The following CABIN1 variants were observed in gnomAD, a reference collection of about 807,000 sequenced individuals.
CABIN1 encodes the protein calcineurin-binding protein cabin-1.
CABIN1 carries 133 observed loss-of-function variants against 227.7 expected under a neutral mutation model. That is an observed-to-expected ratio of 0.58 (90% CI 0.51 to 0.67). The LOEUF is 0.67. Ranked by LOEUF, CABIN1 falls within the 30% of genes least tolerant of loss-of-function variation. The pLI is 0.00. For synonymous variants in CABIN1, 1,086 were observed against 1,155.1 expected (o/e 0.94, Z 1.21); for missense variants, 2,408 against 2,852.5 (o/e 0.84, Z 3.55).
Position 24,166,971 on chromosome 22 carries a change from G to A in CABIN1, c.5340G>A (p.Leu1780=). 1 of 1,585,514 alleles carries A rather than the reference G, an allele frequency of 6.3e-7. No homozygotes were observed. The highest frequency in any genetic ancestry group is 8.6e-7 in the Non-Finnish European group (1 of 1,166,634). ...ACTTGGAGCGGACACCACCCCTGCT[G>A]CCAGGTCGCCCCGCAAGGGACCGGG... ...HSDLERTPPL[L]PGRPARDRGP... The change falls in exon 32 of 37, where the codon CTG becomes CTA. Residue 1780 remains leucine (L), a synonymous_variant. Transcript: ENST00000263119.
intron 33 of CABIN1, among the ~76,000 whole-genome samples, chr22:24,170,717 G>A (rs1049635361): frequency 6.7e-6 from 1 of 150,338 alleles, no homozygotes; most frequent in African/African-American, 2.5e-5. Context: ...CAAAACCAAT[G>A]TCAGAAGAGA....
In CABIN1 at chr22:24,055,066, G is replaced by A. The variant is rs146248697; in HGVS notation, c.1000G>A (p.Ala334Thr). The change falls in exon 9 of 37, where the codon GCT (alanine) becomes ACT (threonine). Residue 334 changes from alanine (A) to threonine (T), a missense_variant. By Grantham distance (58) the Ala-to-Thr change is moderately conservative. Transcript: ENST00000263119. Reference protein sequence around the residue: ...PSTVSTNPAVAVAEPVVSYTS... With the variant: ...PSTVSTNPAVTVAEPVVSYTS... ...CACTGTCAGCACCAACCCAGCTGTG[G>A]CTGTCGCCGAGCCTGTGGTCTCCTA... 1.2e-4 allele frequency: 189 copies of A among 1,614,126 alleles called. No homozygotes were observed. Among genetic ancestry groups the A allele is most frequent in the Non-Finnish European group, 1.5e-4 (177 of 1,180,060 alleles).
rs1486757660 is a variant in CABIN1, at chr22:24,042,953, A to G, written c.395A>G (p.His132Arg). 12 of 1,613,062 alleles carry G rather than the reference A, an allele frequency of 7.4e-6. No homozygotes were observed. Among genetic ancestry groups the G allele is most frequent in the Non-Finnish European group, 1.0e-5 (12 of 1,179,842 alleles). Residue 132 changes from histidine to arginine, a missense_variant, in exon 6 of 37, where the codon CAT becomes CGT. This residue lies in a region of CABIN1 where 1,045 missense variants were observed against 1,168.4 expected (regional missense o/e 0.89). Transcript: ENST00000263119. Reference protein sequence around the residue: ...TDVNLWYKIGHVALRLIRIPL... With the variant: ...TDVNLWYKIGRVALRLIRIPL... ...GTCAACCTCTGGTATAAGATTGGACATGTGGCCCTGAGGCTCATCCGGATC... is the reference window on the plus strand; with the variant it reads ...GTCAACCTCTGGTATAAGATTGGACGTGTGGCCCTGAGGCTCATCCGGATC...
chr22:24,171,628 G>A (rs1007385797), intron 33 of CABIN1, 85 bp from the exon 34 acceptor site: 12 of 1,524,074 alleles, frequency 7.9e-6, no homozygotes, highest in Admixed American at 1.7e-5. Flanking sequence ...TGTCCTGTGG[G>A]ACAGCACTGG....
At chr22:24,089,737 AGCT>A (rs1279941750) in intron 23 of CABIN1, among the ~76,000 whole-genome samples, 1 of 152,188 alleles carries the variant, frequency 6.6e-6, no homozygotes, top group Non-Finnish European at 1.5e-5. Context: ...CAGCTGTTCG[AGCT>A]GCTGTGTGCT....
Position 24,167,024 on chromosome 22 carries a change from C to G in CABIN1, c.5393C>G (p.Ser1798Cys), listed in dbSNP as rs1393906471. 3.9e-6 allele frequency: 6 copies of G among 1,553,942 alleles called. No individual in the cohort carries two copies. In the East Asian group the frequency reaches 1.5e-4, roughly 38 times the overall value. Residue 1798 changes from serine (S) to cysteine (C), a missense_variant, in exon 32 of 37, where the codon TCC (serine) becomes TGC (cysteine). Physicochemically the swap from Ser to Cys is moderately radical, Grantham distance 112 (BLOSUM62 -1). Around this residue, in one of 3 missense-constraint regions of CABIN1, gnomAD observed 714 missense variants for 773.8 expected, o/e 0.92. Coordinates refer to ENST00000263119, the MANE Select transcript of CABIN1 (RefSeq NM_012295.4). ...CCCGAGAGCCGGCCCACTGAGCTGT[C>G]CCTGGAGGAGCTGAGCATCAGTGCC... ...RGPESRPTELSLEELSISARQ... is the reference protein window; with the variant it reads ...RGPESRPTELCLEELSISARQ...
intron 29 of CABIN1, among the ~76,000 whole-genome samples, chr22:24,136,832 C>A (rs1461309618): frequency 1.3e-5 from 2 of 151,896 alleles, no homozygotes; most frequent in Non-Finnish European, 2.9e-5. Flanking sequence ...ATTTTAACTT[C>A]TATGCAAATT....
At chr22:24,169,044 A>G (rs13055314) in intron 33 of CABIN1, among the ~76,000 whole-genome samples, 2,897 of 145,076 alleles carry the variant, frequency 0.02, 37 homozygotes, top group South Asian at 0.043. Context: ...AGATGGGGTT[A>G]GTGCAAGGTC....
At chr22:24,104,039 G>A (rs573505005) in intron 26 of CABIN1, among the ~76,000 whole-genome samples, 1 of 152,272 alleles carries the variant, frequency 6.6e-6, no homozygotes, top group East Asian at 1.9e-4. Flanking sequence ...TTTGGATACT[G>A]AGGTGACTGG....
At chr22:24,024,137 A>G (rs960161445) in intron 1 of CABIN1, among the ~76,000 whole-genome samples, 1 of 151,934 alleles carries the variant, frequency 6.6e-6, no homozygotes, top group African/African-American at 2.4e-5. Flanking sequence ...TGATTTACAA[A>G]TATTTTCTTC....
At chr22:24,123,441 A>G (rs1430111823) in intron 28 of CABIN1, among the ~76,000 whole-genome samples, 1 of 151,990 alleles carries the variant, frequency 6.6e-6, no homozygotes, top group Admixed American at 6.6e-5. Context: ...CTCATTCTAG[A>G]CCTTGCATAT....
chr22:24,100,796 G>A (rs1296475766), intron 26 of CABIN1, among the ~76,000 whole-genome samples: 2 of 152,218 alleles, frequency 1.3e-5, no homozygotes, highest in Admixed American at 6.5e-5. Context: ...CTGCAACCTT[G>A]GACAAAGGAC....
chr22:24,136,414 G>A (rs914100357), intron 29 of CABIN1, among the ~76,000 whole-genome samples: 2 of 144,882 alleles, frequency 1.4e-5, no homozygotes, highest in Non-Finnish European at 3.0e-5. Context: ...GTGCAGTGGC[G>A]TAATCTTGGG....
intron 1 of CABIN1, among the ~76,000 whole-genome samples, chr22:24,020,654 A>G (rs1470577212): frequency 6.6e-6 from 1 of 152,138 alleles, no homozygotes; most frequent in Non-Finnish European, 1.5e-5. Flanking sequence ...TTTTCATTGC[A>G]TTTCCTTTTA....
chr22:24,147,319 C>T lies in CABIN1; in HGVS notation c.4746+12904C>T, dbSNP rs1463851683. 1.9e-4 allele frequency among the ~76,000 whole-genome samples: 22 copies of T among 118,446 alleles called. 1 individual carries two copies. The Admixed American group carries it at 1.9e-3, about 10-fold the overall frequency. 77.7% of individuals were successfully genotyped at this position (118,446 alleles called of 152,430 possible). ...TCCCTGCCTCTCTGCCTCCCTCCCT[C>T]CCTCCCTCCTCTCCTCCCTCCCTCC... On this transcript the variant is annotated intron_variant, in intron 29 of 36. Transcript: ENST00000263119.
intron 27 of CABIN1, 85 bp from the exon 28 acceptor site, chr22:24,119,282 A>G: frequency 1.7e-6 from 2 of 1,172,830 alleles, no homozygotes; most frequent in East Asian, 4.7e-5. Flanking sequence ...CACTTCACCA[A>G]GGCGCCTCCG....
chr22:24,070,600 C>T (rs2040012928), intron 16 of CABIN1, among the ~76,000 whole-genome samples, 200 bp from the exon 17 acceptor site: 1 of 152,268 alleles, frequency 6.6e-6, no homozygotes, highest in Non-Finnish European at 1.5e-5. Flanking sequence ...TGGTGACATT[C>T]TCTGCTGCCA....
Position 24,072,387 on chromosome 22 carries a change from G to A in CABIN1, c.2509G>A (p.Ala837Thr). The change falls in exon 18 of 37, where the codon GCC becomes ACC. Residue 837 changes from alanine (A) to threonine (T), a missense_variant. Around this residue, in one of 3 missense-constraint regions of CABIN1, gnomAD observed 1,045 missense variants for 1,168.4 expected, o/e 0.89. Transcript: ENST00000263119. ...IDCSMAVQEE[A>T]KEPHVSSVLP... ...CTGCAGCATGGCTGTGCAGGAGGAGGCCAAGGAGCCCCACGTCTCTTCAGT... is the reference window on the plus strand; with the variant it reads ...CTGCAGCATGGCTGTGCAGGAGGAGACCAAGGAGCCCCACGTCTCTTCAGT... 4 of 1,614,168 alleles carry A rather than the reference G, an allele frequency of 2.5e-6. No homozygotes were observed. Among genetic ancestry groups the A allele is most frequent in the Non-Finnish European group, 3.4e-6 (4 of 1,180,024 alleles).
intron 22 of CABIN1, among the ~76,000 whole-genome samples, chr22:24,085,827 G>T (rs1477442540): frequency 6.6e-6 from 1 of 152,174 alleles, no homozygotes; most frequent in Non-Finnish European, 1.5e-5. Flanking sequence ...CTTGGGTGAA[G>T]GTCAAAAGGA....
Sources: gnomAD v4.1 joint callset for allele counts (sites outside exome capture counted in the v4.1 genomes callset) on GRCh38, gnomAD v4.1.1 for gene constraint, gnomAD v4.1.1 regional missense constraint, MANE v1.5 for transcripts, NCBI Gene and HGNC (gene_info 2026-07-23, HGNC 2026-07-21) for gene names.